LARP1B: variants seen among roughly 807,000 people sequenced by gnomAD.
LARP1B encodes La ribonucleoprotein 1B, also known as la-related protein 1B.
Under a neutral mutation model 114.2 loss-of-function variants are expected in LARP1B, and 76 were observed. The observed-to-expected ratio is 0.67, with a 90% CI of 0.55 to 0.81. The LOEUF is 0.81. Among genes scored for constraint, LARP1B ranks in the 30% least tolerant of loss-of-function variants. The pLI, the probability that LARP1B is intolerant of heterozygous loss-of-function variation, is 0.00. For missense variants in LARP1B, 1,014 were observed against 1,075.8 expected (o/e 0.94, Z 0.80); for synonymous variants, 345 against 348.0 (o/e 0.99, Z 0.10).
At chr4:128,125,857 A>G (rs1789423978) in intron 11 of LARP1B, among the ~76,000 whole-genome samples, 1 of 152,178 alleles carries the variant, frequency 6.6e-6, no homozygotes, top group Non-Finnish European at 1.5e-5. Context: ...CCAAGTTCAT[A>G]CTCTGGGTGA....
At chr4:128,084,126 T>G (rs1385783304) in intron 5 of LARP1B, among the ~76,000 whole-genome samples, 2 of 146,642 alleles carry the variant, frequency 1.4e-5, no homozygotes, top group Non-Finnish European at 3.0e-5. Context: ...CAGAGACGCT[T>G]CTCACTTTCC....
intron 11 of LARP1B, among the ~76,000 whole-genome samples, chr4:128,153,142 C>T (rs988450952): frequency 6.6e-6 from 1 of 150,592 alleles, no homozygotes; most frequent in African/African-American, 2.4e-5. Context: ...GCCAGCACAC[C>T]CAGCTCATTT....
chr4:128,170,672 G>T (rs1227813044), intron 12 of LARP1B, among the ~76,000 whole-genome samples: 1 of 151,882 alleles, frequency 6.6e-6, no homozygotes, highest in Non-Finnish European at 1.5e-5. Flanking sequence ...GGTATGTGAT[G>T]TATCTTTTGC....
rs1307042673 is a variant in LARP1B at position 128,211,250 on chromosome 4, T to C, written c.*1197T>C. 3 of 954,892 alleles carry C rather than the reference T, an allele frequency of 3.1e-6. No homozygotes were observed. Among genetic ancestry groups the C allele is most frequent in the East Asian group, 1.1e-4 (1 of 8,696 alleles). 59.2% of individuals were successfully genotyped at this position (954,892 alleles called of 1,614,324 possible). On this transcript the variant is annotated 3_prime_UTR_variant, in exon 20 of 20. Coordinates refer to ENST00000326639, the MANE Select transcript of LARP1B (RefSeq NM_018078.4). ...GTGAATGAAGTTTCAATTATAAACT[T>C]ACATTCACTTTATTGAGCACTACAT...
intron 11 of LARP1B, among the ~76,000 whole-genome samples, chr4:128,134,025 G>T (rs1278898051): frequency 7.3e-6 from 1 of 137,238 alleles, no homozygotes. Flanking sequence ...TTTTAAGACA[G>T]TTTCTCACTC....
chr4:128,195,168 C>T (rs1402238981), intron 15 of LARP1B, among the ~76,000 whole-genome samples: 32 of 152,070 alleles, frequency 2.1e-4, no homozygotes, highest in Admixed American at 2.1e-3. Flanking sequence ...TATATTTGCT[C>T]CTAGTCTACT....
At chr4:128,116,201 A>G (rs1236568744) in intron 10 of LARP1B, among the ~76,000 whole-genome samples, 2 of 152,204 alleles carry the variant, frequency 1.3e-5, no homozygotes, top group African/African-American at 4.8e-5. Flanking sequence ...AGATACACGA[A>G]CTTACATATG....
chr4:128,061,777 C>G, intron 1 of LARP1B: 1 of 984,872 alleles, frequency 1.0e-6, no homozygotes, highest in Non-Finnish European at 1.2e-6. Flanking sequence ...CGCTGTTGGC[C>G]GCGGCGAACC....
intron 8 of LARP1B, among the ~76,000 whole-genome samples, chr4:128,098,778 T>TATATATATACA (rs1779193524): frequency 2.6e-5 from 2 of 77,660 alleles, no homozygotes; most frequent in Non-Finnish European, 5.4e-5. Context: ...TTTTTTTTTT[T>TATATATATACA]TTTTTTTTTT....
chr4:128,206,442 G>A lies in LARP1B; in HGVS notation c.2324G>A (p.Cys775Tyr). The change falls in exon 18 of 20, where the codon TGT becomes TAT. Residue 775 changes from cysteine (C) to tyrosine (Y), a missense_variant. Transcript: ENST00000326639. ...AKENYRYGLE[C>Y]LFRFYSYGLE... Reference sequence around the variant, plus strand: ...TCTCTTTATAGGTATGGGTTAGAATGTCTGTTCAGGTTTTATAGTTATGGA... The same window carrying A: ...TCTCTTTATAGGTATGGGTTAGAATATCTGTTCAGGTTTTATAGTTATGGA... The A allele has an allele frequency of 1.2e-6, 2 of 1,603,986 alleles. No homozygotes were observed. Among genetic ancestry groups the A allele is most frequent in the Non-Finnish European group, 1.7e-6 (2 of 1,175,206 alleles).
intron 15 of LARP1B, among the ~76,000 whole-genome samples, chr4:128,193,299 T>G (rs144945089): frequency 1.7e-3 from 254 of 152,356 alleles, no homozygotes; most frequent in Non-Finnish European, 1.4e-3. Context: ...TTAAAAACTT[T>G]CTAAATGCCA....
Sources: gnomAD v4.1 joint callset for allele counts (sites outside exome capture counted in the v4.1 genomes callset) on GRCh38, gnomAD v4.1.1 for gene constraint, MANE v1.5 for transcripts, NCBI Gene and HGNC (gene_info 2026-07-23, HGNC 2026-07-21) for gene names.